EYS: variants seen among roughly 807,000 people sequenced by gnomAD.
EYS encodes the protein EGF-like photoreceptor maintenance factor.
In EYS, 250 loss-of-function variants were observed where a neutral mutation model predicts 282.1. That is an observed-to-expected ratio of 0.89 (90% CI 0.80 to 0.98). The LOEUF is 0.98. Ranked by LOEUF, EYS falls within the 50% of genes least tolerant of loss-of-function variation. The probability of loss-of-function intolerance (pLI) is 0.00; values close to 1 mark genes in which losing one functional copy is unlikely to be tolerated. For missense variants in EYS, 4,016 were observed against 3,709.0 expected (o/e 1.08, Z -2.15); for synonymous variants, 1,355 against 1,282.9 (o/e 1.06, Z -1.20).
intron 22 of EYS, among the ~76,000 whole-genome samples, chr6:64,706,302 C>T (rs1771013075): frequency 6.6e-6 from 1 of 152,090 alleles, no homozygotes; most frequent in Non-Finnish European, 1.5e-5. Flanking sequence ...TCATCTCTCA[C>T]CTTATACAAA....
At chr6:65,306,312 C>T (rs189461767) in intron 11 of EYS, among the ~76,000 whole-genome samples, 2 of 152,218 alleles carry the variant, frequency 1.3e-5, no homozygotes, top group Admixed American at 1.3e-4. Context: ...ACAGGACTGC[C>T]CATTCAGTCT....
At chr6:64,906,277 TA>T (rs893453630) in intron 16 of EYS, among the ~76,000 whole-genome samples, 6 of 151,570 alleles carry the variant, frequency 4.0e-5, no homozygotes, top group African/African-American at 7.2e-5. Context: ...AAAGTGAACT[TA>T]AAAAAAAGAA....
At chr6:64,700,047 G>A (rs569268395) in intron 22 of EYS, among the ~76,000 whole-genome samples, 54 of 152,096 alleles carry the variant, frequency 3.6e-4, no homozygotes, top group African/African-American at 1.3e-3. Flanking sequence ...AATCAAGTGG[G>A]TTTTATTCCA....
At chr6:65,388,291 A>G (rs1471129455) in intron 7 of EYS, among the ~76,000 whole-genome samples, 1 of 151,942 alleles carries the variant, frequency 6.6e-6, no homozygotes, top group African/African-American at 2.4e-5. Context: ...TAAAACAGCA[A>G]CTCCTCTGCC....
chr6:65,064,766 G>A (rs2150161877), intron 12 of EYS, among the ~76,000 whole-genome samples: 1 of 152,122 alleles, frequency 6.6e-6, no homozygotes, highest in East Asian at 1.9e-4. Context: ...AATACCAGAA[G>A]TGGACTTGCC....
At chr6:64,605,736 T>C (rs1766909409) in intron 24 of EYS, among the ~76,000 whole-genome samples, 1 of 151,928 alleles carries the variant, frequency 6.6e-6, no homozygotes, top group South Asian at 2.1e-4. Flanking sequence ...TCAAATTGTT[T>C]GATCTTTCCT....
At chr6:65,698,217 G>C (rs1018205934) in intron 1 of EYS, among the ~76,000 whole-genome samples, 2 of 152,042 alleles carry the variant, frequency 1.3e-5, no homozygotes, top group African/African-American at 4.8e-5. Context: ...TTTATCTTCC[G>C]TACATAGATG....
intron 4 of EYS, among the ~76,000 whole-genome samples, chr6:65,493,257 C>T (rs1212805978): frequency 3.9e-5 from 6 of 152,152 alleles, no homozygotes; most frequent in African/African-American, 1.4e-4. Context: ...AACTTGGCTC[C>T]AATGGAGTCA....
chr6:63,996,701 C>T (rs569708863), intron 34 of EYS, among the ~76,000 whole-genome samples: 6 of 152,202 alleles, frequency 3.9e-5, no homozygotes, highest in African/African-American at 9.6e-5. Flanking sequence ...GAAACTCATC[C>T]TCGTGCTTTA....
chr6:63,804,463 A>G (rs1467269200), intron 37 of EYS, among the ~76,000 whole-genome samples: 1 of 152,234 alleles, frequency 6.6e-6, no homozygotes, highest in African/African-American at 2.4e-5. Context: ...TAATTTGCAC[A>G]TGGTGGAGAC....
chr6:64,785,257 TTA>T (rs1233287088), intron 22 of EYS, among the ~76,000 whole-genome samples: 1 of 152,210 alleles, frequency 6.6e-6, no homozygotes, highest in African/African-American at 2.4e-5. Flanking sequence ...TCTTTCCAGC[TTA>T]GTTAGCTGTT....
intron 28 of EYS, among the ~76,000 whole-genome samples, chr6:64,435,901 T>G (rs1774725290): frequency 6.6e-6 from 1 of 151,988 alleles, no homozygotes; most frequent in Admixed American, 6.6e-5. Flanking sequence ...TTTAGTTGAT[T>G]TGTTACAACA....
At chr6:64,023,470 A>C (rs1402065624) in intron 33 of EYS, among the ~76,000 whole-genome samples, 1 of 152,230 alleles carries the variant, frequency 6.6e-6, no homozygotes, top group Admixed American at 6.5e-5. Flanking sequence ...ACATGGTAAA[A>C]TGTACACTTA....
At chr6:64,568,749 G>A (rs955076960) in intron 26 of EYS, among the ~76,000 whole-genome samples, 4 of 152,062 alleles carry the variant, frequency 2.6e-5, no homozygotes, top group African/African-American at 7.2e-5. Flanking sequence ...GGCATCTGGC[G>A]GGTGCCTCTT....
chr6:63,747,393 G>T (rs1012784707), intron 41 of EYS, among the ~76,000 whole-genome samples: 1 of 152,154 alleles, frequency 6.6e-6, no homozygotes, highest in South Asian at 2.1e-4. Flanking sequence ...GAATAAATGC[G>T]ATGTGGTGCT....
chr6:64,374,069 T>C (rs962136735), intron 29 of EYS, among the ~76,000 whole-genome samples: 9 of 151,864 alleles, frequency 5.9e-5, no homozygotes, highest in African/African-American at 2.2e-4. Flanking sequence ...CTAGCAAGCA[T>C]TGCCTACGTG....
intron 26 of EYS, among the ~76,000 whole-genome samples, chr6:64,524,718 T>C (rs1050248800): frequency 6.6e-6 from 1 of 151,740 alleles, no homozygotes; most frequent in Non-Finnish European, 1.5e-5. Flanking sequence ...CCATTTATTG[T>C]ATAGGGAGTC....
At chr6:65,467,732 T>C (rs1463936595) in intron 5 of EYS, among the ~76,000 whole-genome samples, 3 of 152,014 alleles carry the variant, frequency 2.0e-5, no homozygotes, top group African/African-American at 7.2e-5. Context: ...TAAAAATACA[T>C]AGGTAAAAAG....
rs1238755580 is a variant in EYS at position 64,591,109 on chromosome 6, G to A, written c.4758C>T (p.Phe1586=). The change falls in exon 26 of 43, where the codon TTC becomes TTT. Residue 1586 remains phenylalanine (F), a synonymous_variant. Coordinates refer to ENST00000503581, the MANE Select transcript of EYS (RefSeq NM_001142800.2). ...HSKQSHFYET[F]WMNSAILASW... ...TGGCTAATATCGCTGAGTTCATCCAGAATGTCTCATAAAAGTGGGACTGTT... is the reference window on the plus strand; with the variant it reads ...TGGCTAATATCGCTGAGTTCATCCAAAATGTCTCATAAAAGTGGGACTGTT... 1 of 1,551,274 alleles carries A rather than the reference G, an allele frequency of 6.4e-7. No homozygotes were observed.
Sources: allele counts gnomAD v4.1 joint callset (sites outside exome capture counted in the v4.1 genomes callset), GRCh38; gene constraint gnomAD v4.1.1; transcripts MANE v1.5; gene names NCBI Gene and HGNC (gene_info 2026-07-23, HGNC 2026-07-21).